Variants in SCRG1 observed in about 807,000 individuals in gnomAD.
SCRG1 encodes the protein stimulator of chondrogenesis 1.
SCRG1 carries 3 observed loss-of-function variants against 7.7 expected under a neutral mutation model. That is an observed-to-expected ratio of 0.39 (90% CI 0.18 to 1.01). The LOEUF (loss-of-function observed/expected upper bound fraction) is 1.01. Ranked by LOEUF, SCRG1 falls within the 50% of genes least tolerant of loss-of-function variation. SCRG1 has a pLI of 0.36. For missense variants in SCRG1, 110 were observed against 117.2 expected, an observed-to-expected ratio of 0.94 and a Z score of 0.28; for synonymous variants, 46 against 41.2, an observed-to-expected ratio of 1.12 and a Z score of -0.44.
At chr4:173,408,991 C>CAAAAAAAAAAAAA (rs991902394), upstream of SCRG1, among the ~76,000 whole-genome samples, 2 of 51,258 alleles carry the variant, frequency 3.9e-5, no homozygotes, top group African/African-American at 1.3e-4. Context: ...GACTCAGTCT[C>CAAAAAAAAAAAAA]AAAAAAAAAA....
chr4:173,483,029 ATATATTT>A, the SCRG1 span, among the ~76,000 whole-genome samples: 5 of 127,318 alleles, frequency 3.9e-5, no homozygotes, highest in Admixed American at 9.4e-5. Flanking sequence ...TTTATATGTA[ATATATTT>A]CATGTATATT....
chr4:173,518,765 G>A, the SCRG1 span, among the ~76,000 whole-genome samples: 1 of 152,166 alleles, frequency 6.6e-6, no homozygotes, highest in Non-Finnish European at 1.5e-5. Context: ...ACCCTCCGCG[G>A]AGCAAAGACG....
chr4:173,491,463 T>C, the SCRG1 span, among the ~76,000 whole-genome samples: 1 of 152,134 alleles, frequency 6.6e-6, no homozygotes, highest in African/African-American at 2.4e-5. Context: ...CCTGCAGAGA[T>C]CGGTACCATG....
At chr4:173,502,957 G>T in the SCRG1 span, among the ~76,000 whole-genome samples, 1 of 152,180 alleles carries the variant, frequency 6.6e-6, no homozygotes, top group Non-Finnish European at 1.5e-5. The surrounding 1 kb of genome is among the most constrained non-coding windows in gnomAD (Gnocchi z 4.6). Context: ...AAAATAGAAG[G>T]GGGGTCTGGT....
the SCRG1 span, among the ~76,000 whole-genome samples, chr4:173,476,354 G>GAAAAAAAAAAAA: frequency 4.3e-5 from 3 of 70,168 alleles, no homozygotes; most frequent in Admixed American, 1.6e-4. Flanking sequence ...CTCTGAGGGG[G>GAAAAAAAAAAAA]AAAAAAAAAA....
chr4:173,455,393 T>A, the SCRG1 span, among the ~76,000 whole-genome samples: 2 of 152,158 alleles, frequency 1.3e-5, no homozygotes, highest in African/African-American at 2.4e-5. Flanking sequence ...CTGGTGGTGT[T>A]TTTTGATGTC....
the SCRG1 span, among the ~76,000 whole-genome samples, chr4:173,436,387 C>G: frequency 1.3e-5 from 2 of 152,196 alleles, no homozygotes; most frequent in African/African-American, 4.8e-5. Flanking sequence ...AGGACTGATG[C>G]TCTTACCACC....
chr4:173,491,968 AT>A, the SCRG1 span, among the ~76,000 whole-genome samples: 5 of 148,300 alleles, frequency 3.4e-5, no homozygotes, highest in East Asian at 2.0e-4. Context: ...CATCTCTACA[AT>A]TTTTTTTTTT....
chr4:173,402,083 A>G (rs1247102895), upstream of SCRG1, among the ~76,000 whole-genome samples: 1 of 152,134 alleles, frequency 6.6e-6, no homozygotes, highest in Non-Finnish European at 1.5e-5. Flanking sequence ...AACCCGCTTT[A>G]TGTTGCTCTG....
chr4:173,445,735 G>A, the SCRG1 span, among the ~76,000 whole-genome samples: 12 of 148,854 alleles, frequency 8.1e-5, no homozygotes, highest in Non-Finnish European at 1.2e-4. Context: ...GCGGGATCTC[G>A]GCTCACTGCA....
At chr4:173,487,076 A>G in the SCRG1 span, among the ~76,000 whole-genome samples, 1 of 152,202 alleles carries the variant, frequency 6.6e-6, no homozygotes, top group Non-Finnish European at 1.5e-5. Context: ...CCCCACCCTG[A>G]GAGAGTCTGC....
chr4:173,479,575 G>A, the SCRG1 span, among the ~76,000 whole-genome samples: 2 of 151,462 alleles, frequency 1.3e-5, no homozygotes, highest in Non-Finnish European at 2.9e-5. Context: ...GAAATAGCTG[G>A]GATAACAGGC....
At chr4:173,417,679 G>A in the SCRG1 span, among the ~76,000 whole-genome samples, 3 of 149,876 alleles carry the variant, frequency 2.0e-5, no homozygotes, top group African/African-American at 7.4e-5. Flanking sequence ...CATCCAGGCT[G>A]GAGTGCTGTG....
At chr4:173,495,778 T>C in the SCRG1 span, among the ~76,000 whole-genome samples, 1 of 152,352 alleles carries the variant, frequency 6.6e-6, no homozygotes, top group Non-Finnish European at 1.5e-5. Context: ...GGACAATTAC[T>C]GTGTGCCAGG....
chr4:173,478,393 C>CA, the SCRG1 span, among the ~76,000 whole-genome samples: 1 of 151,686 alleles, frequency 6.6e-6, no homozygotes, highest in Non-Finnish European at 1.5e-5. Flanking sequence ...AAACAAAAAA[C>CA]AAAAAAAACC....
the SCRG1 span, among the ~76,000 whole-genome samples, chr4:173,424,089 G>A: frequency 1.3e-5 from 2 of 152,040 alleles, no homozygotes; most frequent in Non-Finnish European, 2.9e-5. Flanking sequence ...CTCTTATAAT[G>A]GCAATTAAAT....
chr4:173,448,617 T>A, the SCRG1 span, among the ~76,000 whole-genome samples: 1 of 152,278 alleles, frequency 6.6e-6, no homozygotes, highest in East Asian at 1.9e-4. Context: ...AAATGAGGAT[T>A]TATTTTTATT....
rs79696350 is a variant in SCRG1 at position 173,386,036 on chromosome 4, T to C, written c.*2305A>G. The C allele has an allele frequency of 6.6e-5, 10 of 152,188 alleles. No homozygotes were observed. The highest frequency in any genetic ancestry group is 2.4e-4 in the African/African-American group (10 of 41,444). The allele number at this position is 152,188 out of a possible 1,614,324, so 9.4% of individuals were successfully genotyped here. A position where few individuals can be genotyped will look rare whatever the true frequency, so the allele number is the denominator to read the frequency against. ...TGCTATCTTGATAAAACAACTAATATTATCCATCTACCTACCTATCTATAT... is the reference window on the plus strand; with the variant it reads ...TGCTATCTTGATAAAACAACTAATACTATCCATCTACCTACCTATCTATAT... On this transcript the variant is annotated 3_prime_UTR_variant, in exon 3 of 3. Coordinates refer to ENST00000296506, the MANE Select transcript of SCRG1 (RefSeq NM_007281.4).
At chr4:173,489,962 A>AT in the SCRG1 span, among the ~76,000 whole-genome samples, 6 of 152,206 alleles carry the variant, frequency 3.9e-5, no homozygotes, top group Non-Finnish European at 7.3e-5. Flanking sequence ...ATATAAATGC[A>AT]TTTGGGTTCT....
Sources: allele counts gnomAD v4.1 joint callset (sites outside exome capture counted in the v4.1 genomes callset), GRCh38; gene constraint gnomAD v4.1.1; non-coding constraint Gnocchi (gnomAD v3.1); transcripts MANE v1.5; gene names NCBI Gene and HGNC (gene_info 2026-07-23, HGNC 2026-07-21).